ZBTB11: variants seen among roughly 807,000 people sequenced by gnomAD.
ZBTB11 encodes zinc finger and BTB domain-containing protein 11.
ZBTB11 carries 68 observed loss-of-function variants against 113.1 expected under a neutral mutation model. The ratio of observed to expected loss-of-function variants is 0.60; its 90% CI spans 0.49 to 0.74. ZBTB11 has a LOEUF of 0.74. ZBTB11 is among the 30% of genes least tolerant of loss of function. The pLI is 0.00. For missense variants in ZBTB11, 1,104 were observed against 1,279.4 expected, an observed-to-expected ratio of 0.86 and a Z score of 2.09; for synonymous variants, 518 against 452.6, an observed-to-expected ratio of 1.14 and a Z score of -1.83.
At chr3:101,669,904 C>T (rs1937059970) in intron 3 of ZBTB11, among the ~76,000 whole-genome samples, 1 of 151,814 alleles carries the variant, frequency 6.6e-6, no homozygotes, top group Non-Finnish European at 1.5e-5. Context: ...TCTCAGCTCA[C>T]CGCAACGTCC....
At chr3:101,657,860 G>A (rs1290165935) in intron 6 of ZBTB11, among the ~76,000 whole-genome samples, 2 of 151,932 alleles carry the variant, frequency 1.3e-5, no homozygotes, top group Non-Finnish European at 2.9e-5. Flanking sequence ...AAAATTAGGT[G>A]GGTGTGGTGG....
Position 101,664,959 on chromosome 3 carries a change from C to T in ZBTB11, c.1623+5G>A. The T allele has an allele frequency of 6.2e-7, 1 of 1,605,162 alleles. No homozygotes were observed. The highest frequency in any genetic ancestry group is 8.5e-7 in the Non-Finnish European group (1 of 1,174,792). Reference sequence around the variant, plus strand: ...CTACAAAGGTCAACCCTTCTTACATCATACCTGTTGAACTGCTGACTTGGG... The same window carrying T: ...CTACAAAGGTCAACCCTTCTTACATTATACCTGTTGAACTGCTGACTTGGG... On this transcript the variant is annotated splice_donor_5th_base_variant and intron_variant, in intron 4 of 10. Transcript: ENST00000312938.
At position 101,677,114 on chromosome 3, in the gene ZBTB11, G is replaced by A. The variant is rs1006591351; in HGVS notation, c.-200C>T. 5.2e-6 allele frequency: 3 copies of A among 578,874 alleles called. No homozygotes were observed. Among genetic ancestry groups the A allele is most frequent in the Non-Finnish European group, 8.6e-6 (3 of 348,162 alleles). The allele number at this position is 578,874 out of a possible 1,614,324, so 35.9% of individuals were successfully genotyped here. ...AGGGGGAACTGCACTTCTCCAGCGC[G>A]CGGGATCCGCTGGCGACTGACAAAA... is the stretch of plus-strand genomic sequence containing the variant. On this transcript the variant is annotated 5_prime_UTR_variant, in exon 1 of 11. Coordinates refer to ENST00000312938, the MANE Select transcript of ZBTB11 (RefSeq NM_014415.4).
chr3:101,653,286 G>C lies in ZBTB11; in HGVS notation c.2310-348C>G, dbSNP rs116228680. ...CTTTACCTTTGACCCTAGGGATAGA[G>C]CAAATGACTTGGGCCTAAATTAATC... On this transcript the variant is annotated intron_variant, in intron 8 of 10. Transcript: ENST00000312938. Among the ~76,000 whole-genome samples the C allele has an allele frequency of 5.7e-3, 871 of 152,296 alleles. 12 individuals are homozygous for C. The highest frequency in any genetic ancestry group is 0.02 in the African/African-American group (842 of 41,556).
At chr3:101,666,212 C>T (rs1422636023) in intron 3 of ZBTB11, among the ~76,000 whole-genome samples, 1 of 152,148 alleles carries the variant, frequency 6.6e-6, no homozygotes, top group Admixed American at 6.5e-5. Context: ...GTAAATATAG[C>T]TGTACTTCCA....
At position 101,659,874 on chromosome 3, in the gene ZBTB11, A is replaced by G; in HGVS notation, c.1955T>C (p.Ile652Thr). 1 of 1,614,232 alleles carries G rather than the reference A, an allele frequency of 6.2e-7. No individual in the cohort carries two copies. Among genetic ancestry groups the G allele is most frequent in the Non-Finnish European group, 8.5e-7 (1 of 1,180,036 alleles). Reference protein sequence around the residue: ...SEKGRTKREFICSICGRTLPK... With the variant: ...SEKGRTKREFTCSICGRTLPK... ...TAATGTTCTTCCACATATGGAACAT[A>G]TAAATTCCCGCTTGGTTCTGCCCTT... The change falls in exon 6 of 11, where the codon ATA becomes ACA. Residue 652 changes from isoleucine (I) to threonine (T), a missense_variant. Ile to Thr is a moderately conservative substitution (Grantham distance 89, BLOSUM62 -1). Around this residue, in one of 5 missense-constraint regions of ZBTB11, gnomAD observed 535 missense variants for 518.6 expected, o/e 1.03. Transcript: ENST00000312938.
chr3:101,674,809 C>A (rs760794260), intron 1 of ZBTB11, among the ~76,000 whole-genome samples: 9 of 151,614 alleles, frequency 5.9e-5, no homozygotes, highest in African/African-American at 1.9e-4. Context: ...ATTAGAATCA[C>A]TCACAGATAA....
intron 3 of ZBTB11, among the ~76,000 whole-genome samples, chr3:101,668,952 AC>A (rs1470916216): frequency 3.9e-5 from 6 of 152,188 alleles, no homozygotes; most frequent in Admixed American, 1.3e-4. Flanking sequence ...GACAATTATA[AC>A]AGAAGGAAAA....
At chr3:101,663,610 G>C (rs1936929665) in intron 5 of ZBTB11, among the ~76,000 whole-genome samples, 1 of 152,122 alleles carries the variant, frequency 6.6e-6, no homozygotes, top group Non-Finnish European at 1.5e-5. Flanking sequence ...AAGACCTTGG[G>C]CCGGGTGTGG....
At chr3:101,667,039 C>T (rs1163383569) in intron 3 of ZBTB11, among the ~76,000 whole-genome samples, 1 of 152,072 alleles carries the variant, frequency 6.6e-6, no homozygotes. Context: ...CGTGAGCCAC[C>T]GCACTCGGCT....
At chr3:101,671,861 GC>G (rs768051076) in intron 2 of ZBTB11, 116 bp downstream of exon 2, 1 of 769,428 alleles carries the variant, frequency 1.3e-6, no homozygotes, top group Admixed American at 2.0e-5. Context: ...ACAGTACACT[GC>G]CATTTTGTCT....
chr3:101,676,980 G>T lies in ZBTB11; in HGVS notation c.-66C>A. On this transcript the variant is annotated 5_prime_UTR_variant, in exon 1 of 11. Transcript: ENST00000312938. ...TGAGGAAAACGGCCCGCTACCTACGGGCGGCTGCAGGAGGAGCGGCGGCAC... is the reference window on the plus strand; with the variant it reads ...TGAGGAAAACGGCCCGCTACCTACGTGCGGCTGCAGGAGGAGCGGCGGCAC... 4 of 1,477,616 alleles carry T rather than the reference G, an allele frequency of 2.7e-6. No homozygotes were observed. The highest frequency in any genetic ancestry group is 3.6e-6 in the Non-Finnish European group (4 of 1,112,304). 91.5% of individuals were successfully genotyped at this position (1,477,616 alleles called of 1,614,324 possible).
rs750642606 is a variant in ZBTB11, at chr3:101,651,400, T to G, written c.2928A>C (p.Glu976Asp). 2 of 1,614,124 alleles carry G rather than the reference T, an allele frequency of 1.2e-6. No individual in the cohort carries two copies. Among genetic ancestry groups the G allele is most frequent in the Non-Finnish European group, 1.7e-6 (2 of 1,179,994 alleles). ...SILTAGMQEQ[E>D]SSGPQELETV... ...TCTCAAGTTCTTGAGGACCACTGCT[T>G]TCTTGTTCCTGCATGCCTGCTGTTA... The change falls in exon 11 of 11, where the codon GAA (glutamate) becomes GAC (aspartate). Residue 976 changes from glutamate (E) to aspartate (D), a missense_variant. Around this residue, in one of 5 missense-constraint regions of ZBTB11, gnomAD observed 90 missense variants for 98.0 expected, o/e 0.92. Coordinates refer to ENST00000312938, the MANE Select transcript of ZBTB11 (RefSeq NM_014415.4).
chr3:101,660,888 T>C (rs1010493834), intron 5 of ZBTB11, among the ~76,000 whole-genome samples: 3 of 152,082 alleles, frequency 2.0e-5, no homozygotes, highest in Non-Finnish European at 4.4e-5. Flanking sequence ...CCCCCAGCTG[T>C]ACTGGGAGGA....
chr3:101,662,812 G>T (rs1256267050), intron 5 of ZBTB11, among the ~76,000 whole-genome samples: 2 of 151,852 alleles, frequency 1.3e-5, no homozygotes, highest in African/African-American at 4.8e-5. Flanking sequence ...TGCAGGCTGG[G>T]GTGCAGTAGG....
rs113850841 is a variant in ZBTB11 at position 101,665,078 on chromosome 3, A to G, written c.1509T>C (p.Tyr503=). Residue 503 remains tyrosine (Y), a synonymous_variant, in exon 4 of 11, where the codon TAT becomes TAC. Coordinates refer to ENST00000312938, the MANE Select transcript of ZBTB11 (RefSeq NM_014415.4). The part of the protein sequence containing the change: ...KTDFGPDDDT[Y]RSRLRQRSVN... The stretch of plus-strand genomic sequence containing the variant: ...CAGAACGTTGTCGAAGCCTGCTTCT[A>G]TAAGTATCATCATCAGGGCCAAAGT... 169 of 1,614,070 alleles carry G rather than the reference A, an allele frequency of 1.0e-4. No individual in the cohort carries two copies. Among genetic ancestry groups the G allele is most frequent in the Admixed American group, 6.5e-4 (39 of 60,006 alleles).
chr3:101,670,314 CAA>C (rs1937067559), intron 3 of ZBTB11, among the ~76,000 whole-genome samples: 1 of 152,092 alleles, frequency 6.6e-6, no homozygotes, highest in South Asian at 2.1e-4. Context: ...TTAAGTAATT[CAA>C]AAGTTACAGC....
At position 101,653,813 on chromosome 3, in the gene ZBTB11, T is replaced by C. The variant is rs1936746507; in HGVS notation, c.2310-875A>G. Among the ~76,000 whole-genome samples, 3 of 152,020 alleles carry C rather than the reference T, an allele frequency of 2.0e-5. No homozygotes were observed. In the South Asian group the frequency reaches 6.2e-4, roughly 32 times the overall value. ...GCAAATGTTTAACAAAGAAAAAAAATTGTCGAATCCCTGTAAGAGAGCTTT... is the reference window on the plus strand; with the variant it reads ...GCAAATGTTTAACAAAGAAAAAAAACTGTCGAATCCCTGTAAGAGAGCTTT... On this transcript the variant is annotated intron_variant, in intron 8 of 10. Coordinates refer to ENST00000312938, the MANE Select transcript of ZBTB11 (RefSeq NM_014415.4).
chr3:101,671,026 G>T, intron 3 of ZBTB11, 104 bp downstream of exon 3: 2 of 906,744 alleles, frequency 2.2e-6, no homozygotes, highest in South Asian at 1.7e-5. Context: ...TTGTTAGTGG[G>T]CTTCTCTTAC....
Sources: allele counts gnomAD v4.1 joint callset (sites outside exome capture counted in the v4.1 genomes callset), GRCh38; gene constraint gnomAD v4.1.1; regional missense constraint gnomAD v4.1.1; transcripts MANE v1.5; gene names NCBI Gene and HGNC (gene_info 2026-07-23, HGNC 2026-07-21).